XRRA1: variants seen among roughly 807,000 people sequenced by gnomAD.
XRRA1 encodes X-ray radiation resistance associated 1, also known as X-ray radiation resistance-associated protein 1.
XRRA1 carries 69 observed loss-of-function variants against 80.2 expected under a neutral mutation model. That is an observed-to-expected ratio of 0.86 (90% CI 0.71 to 1.05). The LOEUF (loss-of-function observed/expected upper bound fraction) is 1.05. XRRA1 is among the 50% of genes least tolerant of loss of function. The pLI, the probability that XRRA1 is intolerant of heterozygous loss-of-function variation, is 0.00. For synonymous variants in XRRA1, 348 were observed against 389.9 expected (o/e 0.89, Z 1.27); for missense variants, 967 against 976.4 (o/e 0.99, Z 0.13).
chr11:74,919,285 G>A (rs913495872), intron 8 of XRRA1, among the ~76,000 whole-genome samples: 14 of 152,084 alleles, frequency 9.2e-5, no homozygotes, highest in African/African-American at 2.9e-4. Context: ...AGGAGGGGGC[G>A]TGATGGGGGC....
chr11:74,917,976 T>TAA (rs34040155), intron 8 of XRRA1, among the ~76,000 whole-genome samples: 37,841 of 149,274 alleles, frequency 0.25, 5,525 homozygotes, highest in East Asian at 0.53. Flanking sequence ...ACCTTGAGGT[T>TAA]AAAAAAAAAA....
In XRRA1 at chr11:74,841,207, C is replaced by T. The variant is rs1436299545; in HGVS notation, c.*1993G>A. 1.3e-5 allele frequency: 2 copies of T among 152,130 alleles called. No homozygotes were observed. Among genetic ancestry groups the T allele is most frequent in the East Asian group, 1.9e-4 (1 of 5,192 alleles). 9.4% of individuals were successfully genotyped at this position (152,130 alleles called of 1,614,324 possible). A position where few individuals can be genotyped will look rare whatever the true frequency, so the allele number is the denominator to read the frequency against. ...ATGGTCTTAAATTGTCCTCAGGCAGCCTTTTCCTCATCAACCCATAGAGTG... is the reference window on the plus strand; with the variant it reads ...ATGGTCTTAAATTGTCCTCAGGCAGTCTTTTCCTCATCAACCCATAGAGTG... On this transcript the variant is annotated 3_prime_UTR_variant, in exon 19 of 19. Transcript: ENST00000684022.
rs755066118 is a variant in XRRA1 at position 74,862,974 on chromosome 11, T to C, written c.1044+7A>G. ...AGGAACACAAATATAAAGTAGTCAG[T>C]TCCTACCTCTGAGGTTGAAAATCCA... On this transcript the variant is annotated splice_region_variant and intron_variant, in intron 11 of 18. Transcript: ENST00000684022. 6.3e-7 allele frequency: 1 copy of C among 1,597,028 alleles called. No homozygotes were observed. Among genetic ancestry groups the C allele is most frequent in the Non-Finnish European group, 8.5e-7 (1 of 1,170,442 alleles).
At chr11:74,901,372 A>G (rs2053548401) in intron 10 of XRRA1, among the ~76,000 whole-genome samples, 1 of 152,242 alleles carries the variant, frequency 6.6e-6, no homozygotes, top group Non-Finnish European at 1.5e-5. Context: ...TACTGAAAGC[A>G]TTCTAGAGAT....
At chr11:74,937,099 GA>G in intron 3 of XRRA1, 31 bp from the exon 4 acceptor site, 7 of 1,595,886 alleles carry the variant, frequency 4.4e-6, no homozygotes, top group Non-Finnish European at 5.1e-6. Flanking sequence ...GTGAAAAGGG[GA>G]AAACTCCAAA....
chr11:74,903,083 A>G (rs542523314), intron 10 of XRRA1, among the ~76,000 whole-genome samples: 1 of 152,352 alleles, frequency 6.6e-6, no homozygotes, highest in South Asian at 2.1e-4. Context: ...AGATAATACC[A>G]AGTATTGATA....
chr11:74,942,023 G>A lies in XRRA1; in HGVS notation c.-4-1141C>T, dbSNP rs78834839. ...AGCTACTTGGGAGGCTGAAGTGGGAGGACTGCTTAAGCCCAGGATGTCCAG... is the reference window on the plus strand; with the variant it reads ...AGCTACTTGGGAGGCTGAAGTGGGAAGACTGCTTAAGCCCAGGATGTCCAG... On this transcript the variant is annotated intron_variant, in intron 2 of 18. Coordinates refer to ENST00000684022, the MANE Select transcript of XRRA1 (RefSeq NM_001378157.1). 6.1e-3 allele frequency among the ~76,000 whole-genome samples: 934 copies of A among 152,146 alleles called. 4 individuals are homozygous for A. Among genetic ancestry groups the A allele is most frequent in the Non-Finnish European group, 0.01 (682 of 68,004 alleles).
At chr11:74,936,838 C>A in intron 4 of XRRA1, 46 bp downstream of exon 4, 3 of 1,569,080 alleles carry the variant, frequency 1.9e-6, no homozygotes, top group East Asian at 2.3e-5. Context: ...ACTTCCTCCC[C>A]ACCCTAGCTG....
intron 1 of XRRA1, among the ~76,000 whole-genome samples, chr11:74,948,714 T>A (rs1048479058): frequency 2.0e-5 from 3 of 152,200 alleles, no homozygotes; most frequent in Non-Finnish European, 2.9e-5. Flanking sequence ...CATAGGATAC[T>A]GCCTGGCAGA....
intron 12 of XRRA1, among the ~76,000 whole-genome samples, chr11:74,854,470 T>C (rs984788079): frequency 6.6e-6 from 1 of 152,254 alleles, no homozygotes; most frequent in Non-Finnish European, 1.5e-5. Flanking sequence ...AATTTTACTA[T>C]TGTTGTACAA....
chr11:74,870,429 C>A (rs775030058), intron 10 of XRRA1, among the ~76,000 whole-genome samples: 6 of 152,168 alleles, frequency 3.9e-5, no homozygotes, highest in Non-Finnish European at 8.8e-5. Flanking sequence ...ATTTTTCCTT[C>A]TTTCCTGTCG....
intron 10 of XRRA1, among the ~76,000 whole-genome samples, chr11:74,867,233 G>A (rs755250135): frequency 7.9e-5 from 12 of 152,176 alleles, no homozygotes; most frequent in Admixed American, 2.0e-4. Flanking sequence ...TTCTTAAACA[G>A]GTTGAAATGA....
intron 3 of XRRA1, among the ~76,000 whole-genome samples, chr11:74,939,407 T>C (rs1305845725): frequency 6.6e-6 from 1 of 152,152 alleles, no homozygotes; most frequent in Admixed American, 6.5e-5. Context: ...CATATTCAAA[T>C]ATTTATATTA....
Position 74,946,145 on chromosome 11 carries a change from T to A in XRRA1, c.-72-1060A>T, listed in dbSNP as rs1406567944. 2.6e-5 allele frequency among the ~76,000 whole-genome samples: 4 copies of A among 152,164 alleles called. No individual in the cohort carries two copies. In the East Asian group the frequency reaches 7.7e-4, roughly 29 times the overall value. On this transcript the variant is annotated intron_variant, in intron 1 of 18. Coordinates refer to ENST00000684022, the MANE Select transcript of XRRA1 (RefSeq NM_001378157.1). ...CCCAGCTAAATTTCTATATTTTTGA[T>A]AGAGATGGGTTTTCACCATGTTGCC...
chr11:74,902,245 T>TA (rs1182420537), intron 10 of XRRA1, among the ~76,000 whole-genome samples: 4 of 152,192 alleles, frequency 2.6e-5, no homozygotes, highest in Admixed American at 6.5e-5. Flanking sequence ...AAATGGCTGT[T>TA]ATCCAAAAGT....
At chr11:74,874,357 C>T (rs1284968595) in intron 10 of XRRA1, among the ~76,000 whole-genome samples, 2 of 151,626 alleles carry the variant, frequency 1.3e-5, no homozygotes, top group Admixed American at 1.3e-4. Context: ...ACTTAAGGTA[C>T]CAGTCCTCAG....
intron 8 of XRRA1, among the ~76,000 whole-genome samples, 164 bp downstream of exon 8, chr11:74,921,049 AT>A (rs1940599493): frequency 6.6e-6 from 1 of 152,126 alleles, no homozygotes; most frequent in Admixed American, 6.5e-5. Context: ...CACACAGGAA[AT>A]TGGGGGCGTG....
intron 14 of XRRA1, among the ~76,000 whole-genome samples, chr11:74,850,527 T>C (rs556119350): frequency 2.6e-4 from 40 of 152,282 alleles, no homozygotes; most frequent in African/African-American, 7.0e-4. Flanking sequence ...CTTTTGGCTG[T>C]AGAAAGACTA....
intron 10 of XRRA1, among the ~76,000 whole-genome samples, chr11:74,897,724 A>AG (rs1158937842): frequency 7.2e-6 from 1 of 139,804 alleles, no homozygotes; most frequent in Admixed American, 6.9e-5. Flanking sequence ...AAAAAAAAAG[A>AG]AAAAAAAAAA....
Sources: gnomAD v4.1 joint callset for allele counts (sites outside exome capture counted in the v4.1 genomes callset) on GRCh38, gnomAD v4.1.1 for gene constraint, MANE v1.5 for transcripts, NCBI Gene and HGNC (gene_info 2026-07-23, HGNC 2026-07-21) for gene names.